The following UROS variants were observed in gnomAD, a reference collection of about 807,000 sequenced individuals.
The protein encoded by UROS is uroporphyrinogen III synthase, also known as uroporphyrinogen-III synthase.
UROS carries 18 observed loss-of-function variants against 33.0 expected under a neutral mutation model. That is an observed-to-expected ratio of 0.55 (90% CI 0.38 to 0.81). UROS has a LOEUF of 0.81. Among genes scored for constraint, UROS ranks in the 30% least tolerant of loss-of-function variants. UROS has a pLI of 0.00. For missense variants in UROS, 293 were observed against 314.9 expected, an observed-to-expected ratio of 0.93 and a Z score of 0.53; for synonymous variants, 114 against 121.1, an observed-to-expected ratio of 0.94 and a Z score of 0.38.
intron 9 of UROS, among the ~76,000 whole-genome samples, chr10:125,790,138 G>A (rs1217048781): frequency 6.6e-6 from 1 of 152,180 alleles, no homozygotes; most frequent in Non-Finnish European, 1.5e-5. Context: ...AGAACGAGGG[G>A]AGGGAGGCCA....
At chr10:125,820,843 A>C (rs534275111) in intron 1 of UROS, among the ~76,000 whole-genome samples, 5 of 152,316 alleles carry the variant, frequency 3.3e-5, no homozygotes, top group African/African-American at 1.2e-4. Context: ...CATTAAGATA[A>C]ATTCTGAGCT....
intron 7 of UROS, among the ~76,000 whole-genome samples, chr10:125,796,606 T>G (rs1453219076): frequency 6.6e-6 from 1 of 152,212 alleles, no homozygotes; most frequent in African/African-American, 2.4e-5. Context: ...GATCCCCGGC[T>G]GCACTCCAGC....
chr10:125,808,663 A>G (rs1852542645), intron 5 of UROS, among the ~76,000 whole-genome samples: 1 of 152,242 alleles, frequency 6.6e-6, no homozygotes, highest in Admixed American at 6.5e-5. Context: ...AGCTTTGCTG[A>G]TCACAAAGTA....
At chr10:125,821,327 T>G (rs1447841966) in intron 1 of UROS, among the ~76,000 whole-genome samples, 1 of 152,240 alleles carries the variant, frequency 6.6e-6, no homozygotes, top group Non-Finnish European at 1.5e-5. Context: ...GAAATCCTAA[T>G]GCATGCTACA....
At position 125,810,067 on chromosome 10, in the gene UROS, T is replaced by C. The variant is rs566470669; in HGVS notation, c.319+2147A>G. Reference sequence around the variant, plus strand: ...TCTCTTTGCTTCAAATGTCCAACTTTCCTAACCTGATTCCCAGGCTCTAGG... The same window carrying C: ...TCTCTTTGCTTCAAATGTCCAACTTCCCTAACCTGATTCCCAGGCTCTAGG... On this transcript the variant is annotated intron_variant, in intron 5 of 9. Coordinates refer to ENST00000368797, the MANE Select transcript of UROS (RefSeq NM_000375.3). Among the ~76,000 whole-genome samples, 53 of 152,330 alleles carry C rather than the reference T, an allele frequency of 3.5e-4. 3 individuals are homozygous for C. In the South Asian group the frequency reaches 0.011, roughly 32 times the overall value.
chr10:125,797,634 A>G (rs979061519), intron 7 of UROS, among the ~76,000 whole-genome samples: 1 of 152,186 alleles, frequency 6.6e-6, no homozygotes, highest in African/African-American at 2.4e-5. Context: ...GAGCCACGGC[A>G]GGTGGAGCTG....
At chr10:125,815,255 TC>T (rs1393281988) in intron 3 of UROS, 125 bp from the exon 4 acceptor site, 32 of 1,024,148 alleles carry the variant, frequency 3.1e-5, no homozygotes, top group Non-Finnish European at 4.5e-5. Flanking sequence ...CTTCCACCCA[TC>T]CCCCCAACAC....
At position 125,816,542 on chromosome 10, in the gene UROS, AAACAGATCTTAATT is replaced by A; in HGVS notation, c.-26-31_-26-18del. The A allele has an allele frequency of 6.2e-7, 1 of 1,613,398 alleles. No individual in the cohort carries two copies. Among genetic ancestry groups the A allele is most frequent in the Non-Finnish European group, 8.5e-7 (1 of 1,179,374 alleles). ...TATAGGGCACTGCGACAGAGCAAGG[AAACAGATCTTAATT>A]AGATCTCAAAGACTCTTCCTAAGCA... On this transcript the variant is annotated intron_variant, in intron 1 of 9. Coordinates refer to ENST00000368797, the MANE Select transcript of UROS (RefSeq NM_000375.3).
At chr10:125,802,978 T>C in intron 6 of UROS, 2 of 1,612,876 alleles carry the variant, frequency 1.2e-6, no homozygotes, top group Non-Finnish European at 1.7e-6. Context: ...TAAGGGCACG[T>C]CCAAACCCAC....
chr10:125,793,159 A>G (rs958572870), intron 9 of UROS: 2 of 152,272 alleles, frequency 1.3e-5, no homozygotes, highest in Non-Finnish European at 2.9e-5. Context: ...GCAGCAGTCT[A>G]TTCAGAAAGG....
chr10:125,789,491 G>T, intron 9 of UROS: 1 of 533,904 alleles, frequency 1.9e-6, no homozygotes, highest in Non-Finnish European at 2.5e-6. Context: ...CAATGACCTT[G>T]GCCCGTGGCC....
chr10:125,810,669 A>G (rs911766805), intron 5 of UROS, among the ~76,000 whole-genome samples: 5 of 152,166 alleles, frequency 3.3e-5, no homozygotes, highest in Admixed American at 6.5e-5. Context: ...GTTGGTGCTC[A>G]ACTTCTGATA....
intron 5 of UROS, among the ~76,000 whole-genome samples, chr10:125,810,595 G>A (rs1004276291): frequency 6.6e-6 from 1 of 152,152 alleles, no homozygotes; most frequent in Admixed American, 6.5e-5. Flanking sequence ...TAAGTTTTGG[G>A]GTAATTTGGG....
chr10:125,786,632 T>C (rs193249983), downstream of UROS, among the ~76,000 whole-genome samples: 53 of 152,286 alleles, frequency 3.5e-4, no homozygotes, highest in Non-Finnish European at 6.6e-4. Flanking sequence ...AGATGGTCTG[T>C]TTAATGCTGC....
intron 6 of UROS, chr10:125,802,577 G>T: frequency 9.9e-7 from 1 of 1,014,092 alleles, no homozygotes; most frequent in Non-Finnish European, 1.2e-6. Context: ...TGGCACAAGT[G>T]GCCAGAGAAG....
At chr10:125,790,551 G>GT (rs1232886459) in intron 9 of UROS, among the ~76,000 whole-genome samples, 4 of 152,340 alleles carry the variant, frequency 2.6e-5, no homozygotes, top group Admixed American at 2.6e-4. Flanking sequence ...GCTCATGCCT[G>GT]TAATCCCAGT....
chr10:125,802,037 A>G (rs1851875830), intron 6 of UROS: 2 of 985,294 alleles, frequency 2.0e-6, no homozygotes, highest in Non-Finnish European at 2.4e-6. Flanking sequence ...TCTTTGTAGA[A>G]CTTAATCCCA....
intron 6 of UROS, among the ~76,000 whole-genome samples, chr10:125,803,538 A>G (rs1157323508): frequency 6.6e-6 from 1 of 152,208 alleles, no homozygotes; most frequent in Non-Finnish European, 1.5e-5. Flanking sequence ...ACACTCCTAA[A>G]AAGTCCCAGG....
chr10:125,823,131 C>T lies in UROS; in HGVS notation c.-129G>A, dbSNP rs1411193255. On this transcript the variant is annotated 5_prime_UTR_variant, in exon 1 of 10. Coordinates refer to ENST00000368797, the MANE Select transcript of UROS (RefSeq NM_000375.3). ...GAAAAGGCTGCAGGAGCAATGACAACAGGGGCGGAAGCCCCCTCCCCACGC... is the reference window on the plus strand; with the variant it reads ...GAAAAGGCTGCAGGAGCAATGACAATAGGGGCGGAAGCCCCCTCCCCACGC... The T allele has an allele frequency of 4.3e-5, 7 of 161,408 alleles. No individual in the cohort carries two copies. The highest frequency in any genetic ancestry group is 9.5e-5 in the Non-Finnish European group (7 of 74,040). The allele number at this position is 161,408 out of a possible 1,614,324, so 10.0% of individuals were successfully genotyped here.
Sources: allele counts gnomAD v4.1 joint callset (sites outside exome capture counted in the v4.1 genomes callset), GRCh38; gene constraint gnomAD v4.1.1; transcripts MANE v1.5; gene names NCBI Gene and HGNC (gene_info 2026-07-23, HGNC 2026-07-21).